Variants in ANKRD17 observed in about 807,000 individuals in gnomAD.
The protein encoded by ANKRD17 is ankyrin repeat domain-containing protein 17.
ANKRD17 carries 19 observed loss-of-function variants against 229.7 expected under a neutral mutation model. The observed-to-expected ratio is 0.08, with a 90% CI of 0.06 to 0.12. The LOEUF (loss-of-function observed/expected upper bound fraction) is 0.12. Ranked by LOEUF, ANKRD17 falls within the 10% of genes least tolerant of loss-of-function variation. ANKRD17 has a pLI of 1.00. For missense variants in ANKRD17, 2,176 were observed against 3,176.8 expected, an observed-to-expected ratio of 0.68 and a Z score of 7.57; for synonymous variants, 1,112 against 1,146.1, an observed-to-expected ratio of 0.97 and a Z score of 0.60.
At position 73,113,399 on chromosome 4, in the gene ANKRD17, G is replaced by A. The variant is rs1193093848; in HGVS notation, c.4401+393C>T. The A allele has an allele frequency of 2.3e-6, 3 of 1,289,042 alleles. No homozygotes were observed. In the African/African-American group the frequency reaches 4.6e-5, roughly 20 times the overall value. The allele number at this position is 1,289,042 out of a possible 1,614,324, so 79.9% of individuals were successfully genotyped here. A position where few individuals can be genotyped will look rare whatever the true frequency, so the allele number is the denominator to read the frequency against. The stretch of plus-strand genomic sequence containing the variant: ...GATTTGTATTTCACTAGTTGGTTAT[G>A]CCTTGGTAGTGCATTTGGTACTTGT... On this transcript the variant is annotated intron_variant, in intron 24 of 33. Transcript: ENST00000358602.
At chr4:73,218,191 A>G (rs1372241056) in intron 1 of ANKRD17, among the ~76,000 whole-genome samples, 2 of 152,250 alleles carry the variant, frequency 1.3e-5, no homozygotes, top group Admixed American at 1.3e-4. Context: ...ATAAAGAAAA[A>G]TATCTGCTTA....
chr4:73,100,545 T>C (rs1049384550), intron 25 of ANKRD17, among the ~76,000 whole-genome samples: 3 of 152,070 alleles, frequency 2.0e-5, no homozygotes, highest in East Asian at 1.9e-4. Context: ...ATGTACTGTA[T>C]ATTACGTATT....
chr4:73,100,366 AC>A (rs34487088), intron 25 of ANKRD17, among the ~76,000 whole-genome samples: 1 of 147,230 alleles, frequency 6.8e-6, no homozygotes, highest in African/African-American at 2.5e-5. Flanking sequence ...TGTAGGGACC[AC>A]CCCCTCCCCC....
chr4:73,224,676 AC>A (rs1742279464), intron 1 of ANKRD17, among the ~76,000 whole-genome samples: 1 of 152,142 alleles, frequency 6.6e-6, no homozygotes, highest in Non-Finnish European at 1.5e-5. Flanking sequence ...TTATATATTA[AC>A]TCATTTAATT....
intron 28 of ANKRD17, 69 bp downstream of exon 28, chr4:73,094,010 T>A (rs973904425): frequency 1.4e-6 from 2 of 1,458,204 alleles, no homozygotes; most frequent in African/African-American, 2.8e-5. Flanking sequence ...TGAAAACTCA[T>A]ATGGCTGTAT....
chr4:73,234,302 T>A (rs1008044404), intron 1 of ANKRD17, among the ~76,000 whole-genome samples: 1 of 152,230 alleles, frequency 6.6e-6, no homozygotes, highest in Admixed American at 6.5e-5. Context: ...TGCCCCCTTT[T>A]AAATGCAACT....
chr4:73,226,995 T>C (rs762994284), intron 1 of ANKRD17, among the ~76,000 whole-genome samples: 9 of 152,360 alleles, frequency 5.9e-5, no homozygotes, highest in Non-Finnish European at 1.3e-4. Context: ...ATTTGTTACA[T>C]AGCAAAATAA....
chr4:73,144,414 A>C (rs1043790430), intron 11 of ANKRD17, among the ~76,000 whole-genome samples: 1 of 152,244 alleles, frequency 6.6e-6, no homozygotes, highest in African/African-American at 2.4e-5. Flanking sequence ...TGGCAGAAAC[A>C]TCATAAAATT....
intron 16 of ANKRD17, among the ~76,000 whole-genome samples, chr4:73,134,584 C>T (rs1444445683): frequency 2.0e-5 from 3 of 152,116 alleles, no homozygotes; most frequent in Non-Finnish European, 4.4e-5. Flanking sequence ...CAGTGTCCTC[C>T]CCCCACTCCA....
intron 1 of ANKRD17, among the ~76,000 whole-genome samples, chr4:73,191,339 A>G (rs200262812): frequency 0.014 from 839 of 60,778 alleles, 7 homozygotes; most frequent in African/African-American, 0.038. Flanking sequence ...CAAAAAATAT[A>G]TATGTGTGTG....
chr4:73,258,447 G>A lies in ANKRD17; in HGVS notation c.222C>T (p.Ala74=). Residue 74 remains alanine (A), a synonymous_variant, in exon 1 of 34, where the codon GCC becomes GCT. Transcript: ENST00000358602. ...KKPPQQQHHK[A]KRNRTCRPPS... ...GGGGTCGGCAAGTCCGGTTACGCTTGGCCTTGTGGTGCTGCTGCTGCGGCG... is the reference window on the plus strand; with the variant it reads ...GGGGTCGGCAAGTCCGGTTACGCTTAGCCTTGTGGTGCTGCTGCTGCGGCG... 6.2e-7 allele frequency: 1 copy of A among 1,609,452 alleles called. No individual in the cohort carries two copies. The highest frequency in any genetic ancestry group is 8.5e-7 in the Non-Finnish European group (1 of 1,178,780).
intron 29 of ANKRD17, among the ~76,000 whole-genome samples, chr4:73,090,207 C>T (rs1387502643): frequency 1.3e-5 from 2 of 152,056 alleles, no homozygotes; most frequent in African/African-American, 4.8e-5. Flanking sequence ...GTTGAGAGTT[C>T]GAGACCAGCT....
chr4:73,252,164 T>C (rs533106978), intron 1 of ANKRD17, among the ~76,000 whole-genome samples: 13 of 152,306 alleles, frequency 8.5e-5, no homozygotes, highest in African/African-American at 2.9e-4. Flanking sequence ...TACAAAGACT[T>C]ACATAAGACA....
intron 1 of ANKRD17, among the ~76,000 whole-genome samples, chr4:73,227,650 A>G (rs1742646041): frequency 6.6e-6 from 1 of 152,168 alleles, no homozygotes. Context: ...AAAATGTTCA[A>G]ATATCCAAAA....
At chr4:73,220,648 G>C (rs904147762) in intron 1 of ANKRD17, among the ~76,000 whole-genome samples, 9 of 152,006 alleles carry the variant, frequency 5.9e-5, no homozygotes, top group Non-Finnish European at 1.0e-4. Flanking sequence ...TATTCAATAA[G>C]AGTACCTTTA....
At chr4:73,218,802 G>A (rs1259947381) in intron 1 of ANKRD17, among the ~76,000 whole-genome samples, 1 of 152,060 alleles carries the variant, frequency 6.6e-6, no homozygotes, top group Non-Finnish European at 1.5e-5. Context: ...AGTGGCTCAC[G>A]CCTGTAATCC....
chr4:73,074,419 A>G lies in ANKRD17; in HGVS notation c.*1812T>C, dbSNP rs148634621. 366 of 152,132 alleles carry G rather than the reference A, an allele frequency of 2.4e-3. No homozygotes were observed. Among genetic ancestry groups the G allele is most frequent in the African/African-American group, 8.6e-3 (358 of 41,576 alleles). The allele number at this position is 152,132 out of a possible 1,614,324, so 9.4% of individuals were successfully genotyped here. A position where few individuals can be genotyped will look rare whatever the true frequency, so the allele number is the denominator to read the frequency against. ...AACATTATTACATCCCTTTTTTAGT[A>G]AAGTGCTATAATTTTATTTCATAGC... On this transcript the variant is annotated 3_prime_UTR_variant, in exon 34 of 34. Coordinates refer to ENST00000358602, the MANE Select transcript of ANKRD17 (RefSeq NM_032217.5).
chr4:73,176,205 T>C (rs1734715493), intron 2 of ANKRD17, among the ~76,000 whole-genome samples: 1 of 152,110 alleles, frequency 6.6e-6, no homozygotes, highest in South Asian at 2.1e-4. Context: ...TGAAAAGGTA[T>C]CAACATCACT....
At chr4:73,173,966 C>T (rs1440305405) in intron 2 of ANKRD17, among the ~76,000 whole-genome samples, 3 of 151,804 alleles carry the variant, frequency 2.0e-5, no homozygotes, top group African/African-American at 4.8e-5. Context: ...TTCAGCAGAA[C>T]CCACAGGGTA....
Sources: allele counts gnomAD v4.1 joint callset (sites outside exome capture counted in the v4.1 genomes callset), GRCh38; gene constraint gnomAD v4.1.1; transcripts MANE v1.5; gene names NCBI Gene and HGNC (gene_info 2026-07-23, HGNC 2026-07-21).